Variants in RAD21 observed in about 807,000 individuals in gnomAD.
RAD21 encodes RAD21 cohesin complex component.
Under a neutral mutation model 71.5 loss-of-function variants are expected in RAD21, and 18 were observed. That is an observed-to-expected ratio of 0.25 (90% CI 0.17 to 0.37). The LOEUF is 0.37. Ranked by LOEUF, RAD21 falls within the 10% of genes least tolerant of loss-of-function variation. The pLI, the probability that RAD21 is intolerant of heterozygous loss-of-function variation, is 1.00. For missense variants in RAD21, 493 were observed against 769.1 expected (o/e 0.64, Z 4.25); for synonymous variants, 248 against 254.0 (o/e 0.98, Z 0.22).
intron 13 of RAD21, 133 bp from the exon 14 acceptor site, chr8:116,847,824 G>A: frequency 1.2e-6 from 1 of 854,404 alleles, no homozygotes; most frequent in Non-Finnish European, 1.8e-6. Context: ...GTTAGAGATG[G>A]AGCCTAGTGA....
chr8:116,848,779 G>C (rs1412392294), intron 13 of RAD21, 167 bp downstream of exon 13: 4 of 433,420 alleles, frequency 9.2e-6, no homozygotes, highest in South Asian at 7.6e-5. Flanking sequence ...AAAAAGAAAA[G>C]AAAACTCTCC....
chr8:116,859,659 C>G lies in RAD21; in HGVS notation c.375-1201G>C, dbSNP rs2921786. Among the ~76,000 whole-genome samples, 1,485 of 152,198 alleles carry G rather than the reference C, an allele frequency of 9.8e-3. 74 individuals are homozygous for G. The East Asian group carries it at 0.15, about 16-fold the overall frequency. On this transcript the variant is annotated intron_variant, in intron 4 of 13. Transcript: ENST00000297338. The stretch of plus-strand genomic sequence containing the variant: ...TGTTCTGACTGCTCCTGCCCTCCCC[C>G]ACCCCCGCAATGTTTCTCCCTCTTC...
intron 7 of RAD21, 79 bp downstream of exon 7, chr8:116,856,567 A>ATTTC: frequency 1.4e-6 from 2 of 1,409,830 alleles, no homozygotes; most frequent in Non-Finnish European, 1.9e-6. Flanking sequence ...TACAACTTTT[A>ATTTC]GTTTGTCATC....
Position 116,852,572 on chromosome 8 carries a change from T to C in RAD21, c.1298A>G (p.Gln433Arg), listed in dbSNP as rs752923760. 2 of 1,612,916 alleles carry C rather than the reference T, an allele frequency of 1.2e-6. No individual in the cohort carries two copies. The highest frequency in any genetic ancestry group is 1.1e-5 in the South Asian group (1 of 90,884). The stretch of plus-strand genomic sequence containing the variant: ...ACCGATAACATCACGCTGCTGATGC[T>C]GCTGTTGCTGGTCCTCTCTAGGAAC... ...PEVPREDQQQ[Q>R]HQQRDVIDEP... The change falls in exon 10 of 14, where the codon CAG (glutamine) becomes CGG (arginine). Residue 433 changes from glutamine to arginine, a missense_variant. Physicochemically the swap from Gln to Arg is conservative, Grantham distance 43. Around this residue, in one of 5 missense-constraint regions of RAD21, gnomAD observed 225 missense variants for 218.3 expected, o/e 1.03. Transcript: ENST00000297338.
intron 1 of RAD21, among the ~76,000 whole-genome samples, chr8:116,871,327 G>A (rs957520652): frequency 2.0e-5 from 3 of 152,094 alleles, no homozygotes; most frequent in African/African-American, 4.8e-5. Flanking sequence ...TTCATGATTT[G>A]AGAATCATTT....
chr8:116,862,354 A>G (rs1004862783), intron 3 of RAD21, among the ~76,000 whole-genome samples: 4 of 152,096 alleles, frequency 2.6e-5, no homozygotes, highest in African/African-American at 9.7e-5. Context: ...TGTCTATAAT[A>G]AATATGCCTT....
intron 1 of RAD21, among the ~76,000 whole-genome samples, chr8:116,872,860 G>C (rs1435654145): frequency 6.6e-6 from 1 of 152,128 alleles, no homozygotes; most frequent in Admixed American, 6.5e-5. Flanking sequence ...CCTCTGTTTT[G>C]GTTCTAACAT....
intron 13 of RAD21, among the ~76,000 whole-genome samples, 198 bp from the exon 14 acceptor site, chr8:116,847,889 C>G (rs1297589781): frequency 6.6e-6 from 1 of 152,138 alleles, no homozygotes; most frequent in Non-Finnish European, 1.5e-5. Flanking sequence ...TTATCAATCA[C>G]TCCCTGTGGC....
intron 2 of RAD21, among the ~76,000 whole-genome samples, chr8:116,865,915 A>G (rs977554511): frequency 4.6e-5 from 7 of 152,208 alleles, no homozygotes; most frequent in Non-Finnish European, 2.9e-5. Context: ...TGTTTCATTT[A>G]TTAAAATCGA....
intron 13 of RAD21, 51 bp downstream of exon 13, chr8:116,848,895 T>C (rs760764673): frequency 9.5e-6 from 14 of 1,474,764 alleles, no homozygotes; most frequent in South Asian, 1.3e-5. Flanking sequence ...CAGGGAACAA[T>C]GGCAAAAGCC....
intron 13 of RAD21, 167 bp downstream of exon 13, chr8:116,848,779 G>T (rs1412392294): frequency 2.3e-6 from 1 of 433,412 alleles, no homozygotes; most frequent in South Asian, 7.6e-5. Flanking sequence ...AAAAAGAAAA[G>T]AAAACTCTCC....
chr8:116,866,378 T>C lies in RAD21; in HGVS notation c.144+208A>G, dbSNP rs554820915. 2.0e-5 allele frequency among the ~76,000 whole-genome samples: 3 copies of C among 151,968 alleles called. No homozygotes were observed. The South Asian group carries it at 6.3e-4, about 32-fold the overall frequency. ...CATTAAAAATAGGCAAATCAAAATA[T>C]ATGCACTTAGAGATTTTTTTTAAAA... On this transcript the variant is annotated intron_variant, in intron 2 of 13. Coordinates refer to ENST00000297338, the MANE Select transcript of RAD21 (RefSeq NM_006265.3).
At chr8:116,873,530 A>T (rs186706465) in intron 1 of RAD21, among the ~76,000 whole-genome samples, 47 of 152,082 alleles carry the variant, frequency 3.1e-4, no homozygotes, top group African/African-American at 1.0e-3. Context: ...TTGCCTGAAA[A>T]CCAATTACTC....
intron 4 of RAD21, 23 bp downstream of exon 4, chr8:116,861,818 T>G: frequency 1.3e-6 from 2 of 1,568,578 alleles, no homozygotes; most frequent in Non-Finnish European, 1.8e-6. Context: ...AGTCAACAAT[T>G]TTTTTTAAAA....
chr8:116,865,658 A>T (rs1202120321), intron 2 of RAD21, among the ~76,000 whole-genome samples: 2 of 151,804 alleles, frequency 1.3e-5, no homozygotes, highest in Non-Finnish European at 2.9e-5. Context: ...CTTTAAAAAG[A>T]AAATAAAACA....
chr8:116,848,804 AAT>A, intron 13 of RAD21, 140 bp downstream of exon 13: 1 of 489,554 alleles, frequency 2.0e-6, no homozygotes, highest in Non-Finnish European at 3.5e-6. Flanking sequence ...AGAAAAAATA[AAT>A]AAATAAATAA....
At position 116,847,582 on chromosome 8, in the gene RAD21, T is replaced by C. The variant is rs1450592074; in HGVS notation, c.1814A>G (p.Lys605Arg). The C allele has an allele frequency of 6.2e-7, 1 of 1,614,144 alleles. No homozygotes were observed. Residue 605 changes from lysine (K) to arginine (R), a missense_variant, in exon 14 of 14, where the codon AAG (lysine) becomes AGG (arginine). Lys to Arg is a conservative substitution (Grantham distance 26). This residue lies in a region of RAD21 where 34 missense variants were observed against 59.9 expected (regional missense o/e 0.57). Coordinates refer to ENST00000297338, the MANE Select transcript of RAD21 (RefSeq NM_006265.3). ...CTGTGTCAGCTCAATAGCTTGCTGCTTTTTAAGAACCAAGAAGCTGTAGAA... is the reference window on the plus strand; with the variant it reads ...CTGTGTCAGCTCAATAGCTTGCTGCCTTTTAAGAACCAAGAAGCTGTAGAA... ...AKFYSFLVLKKQQAIELTQEE... is the reference protein window; with the variant it reads ...AKFYSFLVLKRQQAIELTQEE...
intron 5 of RAD21, 135 bp from the exon 6 acceptor site, chr8:116,857,608 G>GATAT: frequency 1.3e-6 from 1 of 776,524 alleles, no homozygotes; most frequent in Non-Finnish European, 2.0e-6. Flanking sequence ...AAAATATCTA[G>GATAT]TTTAAACTTT....
rs140465540 is a variant in RAD21, at chr8:116,872,709, A to G, written c.-33+1902T>C. 1.3e-3 allele frequency among the ~76,000 whole-genome samples: 202 copies of G among 152,326 alleles called. 1 individual carries two copies. The highest frequency in any genetic ancestry group is 4.7e-3 in the African/African-American group (194 of 41,576). ...TGCAGTTCAGTTTCCCTACTATGAAAACCTGAAAGGTTGAAATCTGGTGGT... is the reference window on the plus strand; with the variant it reads ...TGCAGTTCAGTTTCCCTACTATGAAGACCTGAAAGGTTGAAATCTGGTGGT... On this transcript the variant is annotated intron_variant, in intron 1 of 13. Transcript: ENST00000297338.
Sources: allele counts gnomAD v4.1 joint callset (sites outside exome capture counted in the v4.1 genomes callset), GRCh38; gene constraint gnomAD v4.1.1; regional missense constraint gnomAD v4.1.1; transcripts MANE v1.5; gene names NCBI Gene and HGNC (gene_info 2026-07-23, HGNC 2026-07-21).